MB: variants seen among roughly 807,000 people sequenced by gnomAD.
MB encodes the protein myoglobin, also known as nitrite reductase MB.
Under a neutral mutation model 14.5 loss-of-function variants are expected in MB, and 10 were observed. The ratio of observed to expected loss-of-function variants is 0.69; its 90% confidence interval spans 0.43 to 1.17. The LOEUF (loss-of-function observed/expected upper bound fraction) is 1.17, where lower values mean the gene tolerates loss of function less well. Ranked by LOEUF, MB falls within the 50% of genes most tolerant of loss-of-function variation. The pLI, the probability that MB is intolerant of heterozygous loss-of-function variation, is 0.00. For synonymous variants in MB, 89 were observed against 78.6 expected (o/e 1.13, Z -0.70); for missense variants, 169 against 192.7 (o/e 0.88, Z 0.73).
upstream of MB, among the ~76,000 whole-genome samples, chr22:35,621,319 A>G (rs946595101): frequency 5.9e-5 from 9 of 152,128 alleles, no homozygotes; most frequent in African/African-American, 2.2e-4. Flanking sequence ...CTTTCATATC[A>G]CAGGATCCTT....
intron 1 of MB, chr22:35,622,568 G>C (rs1433984977): frequency 6.6e-6 from 1 of 152,454 alleles, no homozygotes; most frequent in East Asian, 1.9e-4. Flanking sequence ...TAGCAGCCGG[G>C]GAGAGGCACA....
At chr22:35,607,728 C>T (rs1193958502) in intron 2 of MB, among the ~76,000 whole-genome samples, 1 of 152,120 alleles carries the variant, frequency 6.6e-6, no homozygotes, top group Admixed American at 6.5e-5. Context: ...GGCTCCGGAG[C>T]CCACGCTCTT....
intron 2 of MB, among the ~76,000 whole-genome samples, chr22:35,610,667 C>G (rs905805668): frequency 6.6e-6 from 1 of 152,152 alleles, no homozygotes; most frequent in African/African-American, 2.4e-5. Flanking sequence ...ATTTGGCATA[C>G]TAAATTAAAA....
chr22:35,618,256 C>T (rs117955178), upstream of MB, among the ~76,000 whole-genome samples: 92 of 152,306 alleles, frequency 6.0e-4, no homozygotes, highest in East Asian at 0.013. Context: ...CAGGAAGCCA[C>T]GCCCCTTTCT....
chr22:35,613,652 C>T (rs1013303637), intron 1 of MB, among the ~76,000 whole-genome samples: 6 of 146,420 alleles, frequency 4.1e-5, no homozygotes, highest in Admixed American at 1.4e-4. Flanking sequence ...CACACCACCA[C>T]GCCCAGCTAA....
At chr22:35,620,281 C>A (rs1206129373), upstream of MB, among the ~76,000 whole-genome samples, 2 of 152,108 alleles carry the variant, frequency 1.3e-5, no homozygotes, top group South Asian at 2.1e-4. Context: ...TTGCAGTGAG[C>A]CGAGATCGCT....
upstream of MB, chr22:35,617,394 G>A (rs368126662): frequency 7.1e-5 from 45 of 631,704 alleles, no homozygotes; most frequent in African/African-American, 5.7e-4. Flanking sequence ...TCGCTCAATG[G>A]CTCGCTGTCC....
chr22:35,611,295 A>G (rs891679989), intron 1 of MB, among the ~76,000 whole-genome samples, 189 bp from the exon 2 acceptor site: 47 of 152,150 alleles, frequency 3.1e-4, no homozygotes, highest in African/African-American at 1.1e-3. Flanking sequence ...TTGAAGGATT[A>G]AGTGAGATAG....
Position 35,617,214 on chromosome 22 carries a change from C to G in MB, c.44G>C (p.Trp15Ser), listed in dbSNP as rs374212851. 6.2e-7 allele frequency: 1 copy of G among 1,614,194 alleles called. No homozygotes were observed. Among genetic ancestry groups the G allele is most frequent in the Non-Finnish European group, 8.5e-7 (1 of 1,180,030 alleles). The change falls in exon 1 of 3, where the codon TGG (tryptophan) becomes TCG (serine). Residue 15 changes from tryptophan to serine, a missense_variant. Trp to Ser is a radical substitution (Grantham distance 177, BLOSUM62 -3). Transcript: ENST00000397326. ...TGGGATGTCAGCCTCCACCTTCCCCCAGACGTTCAGCACCAACTGCCATTC... is the reference window on the plus strand; with the variant it reads ...TGGGATGTCAGCCTCCACCTTCCCCGAGACGTTCAGCACCAACTGCCATTC... ...DGEWQLVLNV[W>S]GKVEADIPGH...
In MB at chr22:35,617,170, G is replaced by A. The variant is rs1365038104; in HGVS notation, c.88C>T (p.Leu30Phe). The A allele has an allele frequency of 2.5e-6, 4 of 1,612,948 alleles. No homozygotes were observed. In the South Asian group the frequency reaches 4.4e-5, roughly 18 times the overall value. Residue 30 changes from leucine (L) to phenylalanine (F), a missense_variant, in exon 1 of 3, where the codon CTC (leucine) becomes TTC (phenylalanine). Leu to Phe is a conservative substitution (Grantham distance 22). Coordinates refer to ENST00000397326, the MANE Select transcript of MB (RefSeq NM_005368.3). Reference protein sequence around the residue: ...ADIPGHGQEVLIRLFKGHPET... With the variant: ...ADIPGHGQEVFIRLFKGHPET... Reference sequence around the variant, plus strand: ...GGAATCTCTTCCTTTTACCTGATGAGGACTTCCTGCCCATGGCCTGGGATG... The same window carrying A: ...GGAATCTCTTCCTTTTACCTGATGAAGACTTCCTGCCCATGGCCTGGGATG...
intron 1 of MB, among the ~76,000 whole-genome samples, chr22:35,612,905 T>A (rs550616364): frequency 6.6e-6 from 1 of 152,040 alleles, no homozygotes; most frequent in Admixed American, 6.5e-5. Context: ...CATAAATATA[T>A]CCCAGCACAC....
In MB at chr22:35,607,267, C is replaced by T. The variant is rs185311034; in HGVS notation, c.*30G>A. Reference sequence around the variant, plus strand: ...CCCGCTCTCTCTTGAACCCGGGGCCCAGATGGGTGGGGGTGGGAGCGGCAG... The same window carrying T: ...CCCGCTCTCTCTTGAACCCGGGGCCTAGATGGGTGGGGGTGGGAGCGGCAG... On this transcript the variant is annotated 3_prime_UTR_variant, in exon 3 of 3. Coordinates refer to ENST00000397326, the MANE Select transcript of MB (RefSeq NM_005368.3). 6.3e-7 allele frequency: 1 copy of T among 1,599,918 alleles called. No individual in the cohort carries two copies. The highest frequency in any genetic ancestry group is 2.2e-5 in the East Asian group (1 of 44,524).
intron 1 of MB, among the ~76,000 whole-genome samples, chr22:35,612,662 G>A (rs1330750133): frequency 6.6e-6 from 1 of 152,174 alleles, no homozygotes. Flanking sequence ...TGCAGAGGAA[G>A]AAACAGAGGC....
chr22:35,610,903 A>G lies in MB; in HGVS notation c.299T>C (p.Ile100Thr), dbSNP rs754239947. 6.2e-7 allele frequency: 1 copy of G among 1,613,742 alleles called. No homozygotes were observed. Among genetic ancestry groups the G allele is most frequent in the Non-Finnish European group, 8.5e-7 (1 of 1,179,914 alleles). The change falls in exon 2 of 3, where the codon ATC becomes ACC. Residue 100 changes from isoleucine to threonine, a missense_variant. Coordinates refer to ENST00000397326, the MANE Select transcript of MB (RefSeq NM_005368.3). ...LAQSHATKHKIPVKYLEFISE... is the reference protein window; with the variant it reads ...LAQSHATKHKTPVKYLEFISE... ...TCCTACCTCCAGGTACTTCACGGGG[A>G]TCTTGTGCTTGGTGGCATGCGACTG...
At chr22:35,611,142 G>A in intron 1 of MB, 36 bp from the exon 2 acceptor site, 2 of 1,515,786 alleles carry the variant, frequency 1.3e-6, no homozygotes, top group Non-Finnish European at 1.8e-6. Flanking sequence ...CGGCATGGGA[G>A]GTGCGGTGTG....
intron 1 of MB, among the ~76,000 whole-genome samples, chr22:35,612,745 G>A (rs955344116): frequency 6.6e-6 from 1 of 152,128 alleles, no homozygotes; most frequent in Non-Finnish European, 1.5e-5. Context: ...ATGACTATTC[G>A]GACTTTGTTA....
chr22:35,611,258 T>TA, intron 1 of MB, 152 bp from the exon 2 acceptor site: 2 of 626,112 alleles, frequency 3.2e-6, no homozygotes, highest in East Asian at 5.4e-5. Flanking sequence ...CTTCCTCATA[T>TA]AAGGGATGGG....
chr22:35,612,676 G>A (rs764656642), intron 1 of MB, among the ~76,000 whole-genome samples: 1 of 152,162 alleles, frequency 6.6e-6, no homozygotes, highest in Non-Finnish European at 1.5e-5. Context: ...CAGAGGCACC[G>A]AAAGACTAAC....
At position 35,617,288 on chromosome 22, in the gene MB, G is replaced by C. The variant is rs1340333071; in HGVS notation, c.-31C>G. ...AGTCTGAAGAAGACAAAAAGAGCAA[G>C]TATGGGCTCACTGGGTGTCCTGGCC... On this transcript the variant is annotated 5_prime_UTR_variant, in exon 1 of 3. Coordinates refer to ENST00000397326, the MANE Select transcript of MB (RefSeq NM_005368.3). 5 of 1,576,584 alleles carry C rather than the reference G, an allele frequency of 3.2e-6. No individual in the cohort carries two copies. The African/African-American group carries it at 6.7e-5, about 21-fold the overall frequency.
Sources: allele counts gnomAD v4.1 joint callset (sites outside exome capture counted in the v4.1 genomes callset), GRCh38; gene constraint gnomAD v4.1.1; transcripts MANE v1.5; gene names NCBI Gene and HGNC (gene_info 2026-07-23, HGNC 2026-07-21).